PTPRD: variants seen among roughly 807,000 people sequenced by gnomAD.
PTPRD encodes receptor-type tyrosine-protein phosphatase delta.
PTPRD carries 34 observed loss-of-function variants against 214.5 expected under a neutral mutation model. The ratio of observed to expected loss-of-function variants is 0.16; its 90% CI spans 0.12 to 0.21. The LOEUF is 0.21. Ranked by LOEUF, PTPRD falls within the 10% of genes least tolerant of loss-of-function variation. The pLI is 1.00. For missense variants in PTPRD, 2,545 were observed against 2,398.7 expected (o/e 1.06, Z -1.27); for synonymous variants, 1,128 against 845.7 (o/e 1.33, Z -5.79).
chr9:10,197,256 T>C (rs1458416626), intron 3 of PTPRD, among the ~76,000 whole-genome samples: 1 of 152,100 alleles, frequency 6.6e-6, no homozygotes, highest in Non-Finnish European at 1.5e-5. Context: ...TACTTTTACT[T>C]TGGATAAGAC....
chr9:9,431,660 T>C (rs1035496192), intron 8 of PTPRD, among the ~76,000 whole-genome samples: 4 of 151,980 alleles, frequency 2.6e-5, no homozygotes, highest in African/African-American at 7.2e-5. Context: ...AACCCAAATG[T>C]CCAACAATGA....
At chr9:9,497,377 T>C (rs1478876641) in intron 8 of PTPRD, among the ~76,000 whole-genome samples, 1 of 152,164 alleles carries the variant, frequency 6.6e-6, no homozygotes, top group African/African-American at 2.4e-5. Flanking sequence ...TTTTGGTGCA[T>C]AGAAGAGTCC....
chr9:10,383,812 C>A (rs766807576), intron 2 of PTPRD, among the ~76,000 whole-genome samples: 1 of 151,652 alleles, frequency 6.6e-6, no homozygotes, highest in Non-Finnish European at 1.5e-5. Context: ...ATAATAGGAA[C>A]GATGGCAATA....
chr9:8,920,536 T>C (rs997869127), intron 11 of PTPRD, among the ~76,000 whole-genome samples: 7 of 152,102 alleles, frequency 4.6e-5, no homozygotes, highest in African/African-American at 7.2e-5. Context: ...AGAAGAATTG[T>C]CTTGGGTCAC....
intron 7 of PTPRD, among the ~76,000 whole-genome samples, chr9:9,644,092 G>A (rs1029810275): frequency 6.6e-6 from 1 of 152,060 alleles, no homozygotes; most frequent in Non-Finnish European, 1.5e-5. Context: ...TATAAGTATT[G>A]TATTTTATTC....
intron 9 of PTPRD, among the ~76,000 whole-genome samples, chr9:9,260,284 A>G (rs904841779): frequency 5.3e-5 from 8 of 151,850 alleles, no homozygotes; most frequent in Admixed American, 3.3e-4. Context: ...CATTAAGACC[A>G]TCAGAGTGAG....
intron 39 of PTPRD, among the ~76,000 whole-genome samples, chr9:8,365,960 T>C (rs1363837512): frequency 1.3e-5 from 2 of 152,106 alleles, no homozygotes; most frequent in Admixed American, 1.3e-4. Context: ...TTACTGTGGT[T>C]TTAAGCCACA....
intron 3 of PTPRD, among the ~76,000 whole-genome samples, chr9:10,151,256 CT>C (rs71321228): frequency 0.1 from 1,288 of 12,356 alleles, 27 homozygotes; most frequent in Non-Finnish European, 0.15. Flanking sequence ...TTTTTGTTAA[CT>C]TTTTTTTTTT....
chr9:10,050,820 G>A (rs2097523187), intron 3 of PTPRD, among the ~76,000 whole-genome samples: 1 of 151,792 alleles, frequency 6.6e-6, no homozygotes, highest in Admixed American at 6.6e-5. Context: ...TTTTGGGTGA[G>A]TTGTGGGTCT....
At chr9:8,509,546 A>C (rs1244825528) in intron 21 of PTPRD, among the ~76,000 whole-genome samples, 1 of 152,212 alleles carries the variant, frequency 6.6e-6, no homozygotes, top group African/African-American at 2.4e-5. Context: ...ACAACACTGA[A>C]GGGCTGCTCT....
At chr9:8,798,494 T>A (rs1167709742) in intron 11 of PTPRD, among the ~76,000 whole-genome samples, 2 of 152,184 alleles carry the variant, frequency 1.3e-5, no homozygotes, top group East Asian at 3.9e-4. Context: ...GGAAAAAGAT[T>A]ATAAATGGAA....
At chr9:9,116,456 A>G (rs959742548) in intron 10 of PTPRD, among the ~76,000 whole-genome samples, 1 of 151,982 alleles carries the variant, frequency 6.6e-6, no homozygotes, top group Non-Finnish European at 1.5e-5. Flanking sequence ...TGGACATGAG[A>G]GAGTCAGAAG....
chr9:10,434,651 T>C (rs2098705434), intron 2 of PTPRD, among the ~76,000 whole-genome samples: 1 of 151,940 alleles, frequency 6.6e-6, no homozygotes, highest in Admixed American at 6.6e-5. Context: ...TTAAAATGAT[T>C]GTTTGAAAAC....
Position 9,586,955 on chromosome 9 carries a change from G to C in PTPRD, c.-286-12174C>G, listed in dbSNP as rs532892421. Among the ~76,000 whole-genome samples, 20 of 152,056 alleles carry C rather than the reference G, an allele frequency of 1.3e-4. No homozygotes were observed. In the South Asian group the frequency reaches 4.1e-3, roughly 31 times the overall value. On this transcript the variant is annotated intron_variant, in intron 7 of 45. Transcript: ENST00000381196. ...ATCTATGTTCCTAAGTGTCATTTCA[G>C]ATACTGGAGAGCATAAGTCATCACT...
chr9:10,539,697 A>C (rs2058668213), intron 2 of PTPRD, among the ~76,000 whole-genome samples: 1 of 152,128 alleles, frequency 6.6e-6, no homozygotes. Context: ...AGTTCCACCC[A>C]CTAACCACTA....
chr9:10,134,418 T>C, intron 3 of PTPRD, among the ~76,000 whole-genome samples: 1 of 152,152 alleles, frequency 6.6e-6, no homozygotes, highest in Non-Finnish European at 1.5e-5. Context: ...TCCCAATGAC[T>C]GAACACTGCT....
rs756047055 is a variant in PTPRD at position 9,143,570 on chromosome 9, G to A, written c.-143+39734C>T. 3.9e-5 allele frequency among the ~76,000 whole-genome samples: 6 copies of A among 152,088 alleles called. No individual in the cohort carries two copies. In the East Asian group the frequency reaches 7.7e-4, roughly 20 times the overall value. Reference sequence around the variant, plus strand: ...TTAATCATAGTAATTTTTAAAGACCGAATGTTTTCTAATGGCATAATTAAC... The same window carrying A: ...TTAATCATAGTAATTTTTAAAGACCAAATGTTTTCTAATGGCATAATTAAC... On this transcript the variant is annotated intron_variant, in intron 10 of 45. Transcript: ENST00000381196.
intron 8 of PTPRD, among the ~76,000 whole-genome samples, chr9:9,535,504 C>T (rs757451341): frequency 6.6e-6 from 1 of 152,036 alleles, no homozygotes; most frequent in African/African-American, 2.4e-5. Flanking sequence ...TGCTGTGTCA[C>T]CAAAACTCTA....
At chr9:10,396,363 T>C (rs938542921) in intron 2 of PTPRD, among the ~76,000 whole-genome samples, 2 of 151,978 alleles carry the variant, frequency 1.3e-5, no homozygotes, top group African/African-American at 2.4e-5. Context: ...GGAGCTGGCT[T>C]GGCAATAGAC....
Sources: allele counts gnomAD v4.1 joint callset (sites outside exome capture counted in the v4.1 genomes callset), GRCh38; gene constraint gnomAD v4.1.1; transcripts MANE v1.5; gene names NCBI Gene and HGNC (gene_info 2026-07-23, HGNC 2026-07-21).